Variants in TBXAS1 observed in about 807,000 individuals in gnomAD.
TBXAS1 encodes the protein thromboxane A synthase 1.
A neutral mutation model predicts 60.7 loss-of-function variants in TBXAS1; 48 were observed. The observed-to-expected ratio is 0.79, with a 90% CI of 0.63 to 1.01. The LOEUF (loss-of-function observed/expected upper bound fraction) is 1.01, where lower values mean the gene tolerates loss of function less well. Among genes scored for constraint, TBXAS1 ranks in the 50% least tolerant of loss-of-function variants. TBXAS1 has a pLI of 0.00. For synonymous variants in TBXAS1, 287 were observed against 269.7 expected, an observed-to-expected ratio of 1.06 and a Z score of -0.63; for missense variants, 685 against 686.3, an observed-to-expected ratio of 1.00 and a Z score of 0.02.
chr7:139,958,005 C>T (rs1039320941), intron 8 of TBXAS1, among the ~76,000 whole-genome samples: 3 of 152,120 alleles, frequency 2.0e-5, no homozygotes, highest in East Asian at 1.9e-4. Context: ...TCCTCGGACA[C>T]GGACGGGTAG....
At chr7:139,870,626 CTT>C (rs767365503) in intron 1 of TBXAS1, among the ~76,000 whole-genome samples, 23 of 152,200 alleles carry the variant, frequency 1.5e-4, no homozygotes, top group Non-Finnish European at 2.6e-4. Flanking sequence ...ACGTGTGGCT[CTT>C]GAGTGTGGTT....
chr7:139,823,117 T>A (rs1276616890), intron 4 of TBXAS1, among the ~76,000 whole-genome samples: 1 of 151,644 alleles, frequency 6.6e-6, no homozygotes, highest in Non-Finnish European at 1.5e-5. Context: ...CTTGGTGAAT[T>A]CATCTGCACA....
At chr7:139,781,876 A>G (rs537744420) in intron 2 of TBXAS1, among the ~76,000 whole-genome samples, 76 of 151,366 alleles carry the variant, frequency 5.0e-4, no homozygotes, top group Non-Finnish European at 7.5e-4. Context: ...AAAGGCATCA[A>G]TTGGATTTAG....
intron 1 of TBXAS1, among the ~76,000 whole-genome samples, chr7:139,865,665 AGAG>A (rs1569503755): frequency 6.3e-5 from 1 of 15,988 alleles, no homozygotes; most frequent in East Asian, 2.4e-3. Context: ...AGGAGGAGGA[AGAG>A]GAGGAGGAGG....
At chr7:139,851,631 T>C (rs996167791) in intron 1 of TBXAS1, among the ~76,000 whole-genome samples, 3 of 152,232 alleles carry the variant, frequency 2.0e-5, no homozygotes, top group Admixed American at 6.5e-5. Flanking sequence ...AATATATTTT[T>C]ATGGAATAAA....
chr7:139,952,640 G>C, intron 5 of TBXAS1: 1 of 1,537,204 alleles, frequency 6.5e-7, no homozygotes, highest in Non-Finnish European at 8.7e-7. Flanking sequence ...GTTTGTCGAA[G>C]CCGAGTGGTA....
At chr7:139,861,829 G>A (rs1800988240) in intron 1 of TBXAS1, among the ~76,000 whole-genome samples, 1 of 152,190 alleles carries the variant, frequency 6.6e-6, no homozygotes, top group Non-Finnish European at 1.5e-5. Flanking sequence ...TGTCAGGCAG[G>A]CTGGTTCCTT....
At chr7:140,015,656 C>G in intron 10 of TBXAS1, 67 bp from the exon 11 acceptor site, 1 of 1,584,096 alleles carries the variant, frequency 6.3e-7, no homozygotes. Context: ...TCTGCCTGCC[C>G]AGCACGCCCC....
chr7:140,011,836 C>CTATATATATATATATATATATA lies in TBXAS1; in HGVS notation c.1227-3872_1227-3871insATATATATATATATATATATAT, dbSNP rs3831720. ...TGGTTCAAATGGTCCATTTTATGTTCTATATATATATATATCCACAATGAA... is the reference window on the plus strand; with the variant it reads ...TGGTTCAAATGGTCCATTTTATGTTCTATATATATATATATATATATATATATATATATATATCCACAATGAA... On this transcript the variant is annotated intron_variant, in intron 10 of 12. Transcript: ENST00000448866. 7.3e-5 allele frequency among the ~76,000 whole-genome samples: 11 copies of CTATATATATATATATATATATA among 150,530 alleles called. No individual in the cohort carries two copies. In the South Asian group the frequency reaches 2.3e-3, roughly 32 times the overall value.
chr7:139,936,636 A>G (rs765852278), intron 5 of TBXAS1, among the ~76,000 whole-genome samples: 5 of 151,244 alleles, frequency 3.3e-5, no homozygotes, highest in African/African-American at 9.9e-5. Flanking sequence ...TTGGACTGTC[A>G]TGCATAATGG....
At chr7:139,875,469 C>A in intron 2 of TBXAS1, 116 bp from the exon 3 acceptor site, 2 of 886,246 alleles carry the variant, frequency 2.3e-6, no homozygotes, top group African/African-American at 1.7e-5. Flanking sequence ...AACTTCCATT[C>A]TTTTTTATTG....
At chr7:139,814,908 C>G (rs573894128) in intron 4 of TBXAS1, among the ~76,000 whole-genome samples, 5 of 152,246 alleles carry the variant, frequency 3.3e-5, no homozygotes, top group Admixed American at 3.3e-4. Flanking sequence ...GCTCCCTGAG[C>G]ACAGGGCACT....
At position 139,857,729 on chromosome 7, in the gene TBXAS1, ATT is replaced by A. The variant is rs544006307; in HGVS notation, c.90-14490_90-14489del. On this transcript the variant is annotated intron_variant, in intron 1 of 12. Transcript: ENST00000448866. ...CTGGCTGGATTTTCTTTTCTTCTTA[ATT>A]TTTTTTTTTTTTTTTAAGAGACAGG... is the stretch of plus-strand genomic sequence containing the variant. Among the ~76,000 whole-genome samples the A allele has an allele frequency of 1.3e-3, 187 of 139,564 alleles. 1 individual carries two copies. The highest frequency in any genetic ancestry group is 4.0e-3 in the African/African-American group (151 of 37,972). The allele number at this position is 139,564 out of a possible 152,430, so 91.6% of individuals were successfully genotyped here.
At chr7:139,834,850 C>T (rs1250716073) in intron 1 of TBXAS1, among the ~76,000 whole-genome samples, 1 of 151,982 alleles carries the variant, frequency 6.6e-6, no homozygotes, top group Non-Finnish European at 1.5e-5. Context: ...AAAAAAAAGT[C>T]CAGGACCATA....
At chr7:139,934,377 G>A (rs1244283887) in intron 4 of TBXAS1, among the ~76,000 whole-genome samples, 12 of 151,940 alleles carry the variant, frequency 7.9e-5, no homozygotes, top group Non-Finnish European at 1.0e-4. Context: ...TAGTAGAGAC[G>A]GAGTTTCACC....
chr7:139,946,948 C>G (rs1274841972), intron 5 of TBXAS1, among the ~76,000 whole-genome samples: 1 of 152,154 alleles, frequency 6.6e-6, no homozygotes, highest in Non-Finnish European at 1.5e-5. Flanking sequence ...ATCTTACACT[C>G]AAGGAAGGAA....
At chr7:139,823,130 C>CTA (rs1798342670) in intron 4 of TBXAS1, among the ~76,000 whole-genome samples, 1 of 151,736 alleles carries the variant, frequency 6.6e-6, no homozygotes, top group Admixed American at 6.6e-5. Flanking sequence ...TCTGCACAGT[C>CTA]TAAGCTCAAA....
At chr7:139,976,830 AT>A (rs1408871217) in intron 9 of TBXAS1, among the ~76,000 whole-genome samples, 1 of 152,180 alleles carries the variant, frequency 6.6e-6, no homozygotes, top group Non-Finnish European at 1.5e-5. Context: ...ATTGGGTTGC[AT>A]TATCAATGGC....
Position 139,914,835 on chromosome 7 carries a change from G to A in TBXAS1, c.333+3514G>A, listed in dbSNP as rs1422945557. ...CTAGCTTGATTATTAGCTCTTTAAGGCCAAGAACTGTATCTTGTATTTTTT... is the reference window on the plus strand; with the variant it reads ...CTAGCTTGATTATTAGCTCTTTAAGACCAAGAACTGTATCTTGTATTTTTT... On this transcript the variant is annotated intron_variant, in intron 4 of 12. Coordinates refer to ENST00000448866, the MANE Select transcript of TBXAS1 (RefSeq NM_001061.7). Among the ~76,000 whole-genome samples the A allele has an allele frequency of 2.6e-5, 4 of 152,064 alleles. 1 individual carries two copies. In the East Asian group the frequency reaches 5.8e-4, roughly 22 times the overall value.
Sources: gnomAD v4.1 joint callset for allele counts (sites outside exome capture counted in the v4.1 genomes callset) on GRCh38, gnomAD v4.1.1 for gene constraint, MANE v1.5 for transcripts, NCBI Gene and HGNC (gene_info 2026-07-23, HGNC 2026-07-21) for gene names.